The following THBS1 variants were observed in gnomAD, a reference collection of about 807,000 sequenced individuals.
THBS1 encodes the protein thrombospondin-1.
THBS1 carries 29 observed loss-of-function variants against 126.1 expected under a neutral mutation model. The ratio of observed to expected loss-of-function variants is 0.23; its 90% CI spans 0.17 to 0.31. THBS1 has a LOEUF of 0.31. Ranked by LOEUF, THBS1 falls within the 10% of genes least tolerant of loss-of-function variation. THBS1 has a pLI of 1.00. For synonymous variants in THBS1, 496 were observed against 577.8 expected (o/e 0.86, Z 2.03); for missense variants, 1,198 against 1,545.2 (o/e 0.78, Z 3.77).
intron 2 of THBS1, 48 bp from the exon 3 acceptor site, chr15:39,582,145 C>G: frequency 1.9e-6 from 3 of 1,541,538 alleles, no homozygotes; most frequent in Non-Finnish European, 2.6e-6. Context: ...CCCCCTACTG[C>G]TGGTCCCAGC....
At chr15:39,583,868 A>G (rs980707159) in intron 4 of THBS1, 120 bp from the exon 5 acceptor site, 3 of 1,305,934 alleles carry the variant, frequency 2.3e-6, no homozygotes, top group Non-Finnish European at 3.2e-6. Flanking sequence ...ACACGTGCGC[A>G]TACACGCAAC....
intron 7 of THBS1, among the ~76,000 whole-genome samples, 190 bp downstream of exon 7, chr15:39,585,753 C>T (rs1890197866): frequency 6.6e-6 from 1 of 152,200 alleles, no homozygotes; most frequent in East Asian, 1.9e-4. Context: ...ATGAGTACAT[C>T]GTAATTACCC....
intron 6 of THBS1, 138 bp downstream of exon 6, chr15:39,584,560 G>T (rs1354870587): frequency 1.7e-6 from 2 of 1,192,248 alleles, no homozygotes; most frequent in Non-Finnish European, 2.3e-6. Flanking sequence ...TTTTCTTTAA[G>T]ATGCAATTAT....
At chr15:39,585,445 C>G in intron 6 of THBS1, 25 bp from the exon 7 acceptor site, 3 of 1,602,786 alleles carry the variant, frequency 1.9e-6, no homozygotes, top group Non-Finnish European at 8.5e-7. Flanking sequence ...GCAGCCTGTT[C>G]CCCTCTCACT....
rs1890366834 is a variant in THBS1, at chr15:39,593,319, G to T, written c.2996-78G>T. The T allele has an allele frequency of 6.2e-7, 1 of 1,611,696 alleles. No individual in the cohort carries two copies. The highest frequency in any genetic ancestry group is 8.5e-7 in the Non-Finnish European group (1 of 1,178,054). On this transcript the variant is annotated intron_variant, in intron 18 of 21. Transcript: ENST00000260356. This position sits in a 1 kb window ranked among gnomAD's most constrained non-coding sequence, Gnocchi z 5.9. ...GGCAGTTGTACCTATCCCTGTGGGT[G>T]CTGAGGATGTCTAGGAACATGATGG...
In THBS1 at chr15:39,591,357, T is replaced by G. The variant is rs1405766604; in HGVS notation, c.2413+7T>G. On this transcript the variant is annotated splice_region_variant and intron_variant, in intron 15 of 21. Transcript: ENST00000260356. The stretch of plus-strand genomic sequence containing the variant: ...GCAGACATTGATGGAGACGGTAAGG[T>G]GCTGCCTGATCAGAGGGCCCGCGGG... 1.2e-6 allele frequency: 2 copies of G among 1,610,448 alleles called. No individual in the cohort carries two copies. The highest frequency in any genetic ancestry group is 2.7e-5 in the African/African-American group (2 of 74,848).
At chr15:39,590,366 T>G (rs1234139623) in intron 13 of THBS1, 150 bp from the exon 14 acceptor site, 2 of 644,356 alleles carry the variant, frequency 3.1e-6, no homozygotes, top group Middle Eastern at 2.5e-4. Context: ...AAGAAAAGTT[T>G]TATTTTCTTG....
intron 4 of THBS1, 104 bp downstream of exon 4, chr15:39,583,796 G>C: frequency 1.5e-6 from 2 of 1,338,996 alleles, no homozygotes; most frequent in South Asian, 2.6e-5. Context: ...ATTACCCCCA[G>C]TGAGATCATC....
At chr15:39,581,992 C>T in intron 2 of THBS1, 68 bp downstream of exon 2, 3 of 1,542,438 alleles carry the variant, frequency 1.9e-6, no homozygotes, top group Non-Finnish European at 2.7e-6. Flanking sequence ...CCAGGTGTGC[C>T]CCCTCACGTG....
chr15:39,589,761 G>A lies in THBS1; in HGVS notation c.1927-44G>A. ...GATTCTTGTTTCCATGATATCTGAG[G>A]ATTCTCAAAAGCTCTGTGTAACAGC... On this transcript the variant is annotated intron_variant, in intron 12 of 21. Transcript: ENST00000260356. The surrounding 1 kb of genome is among the most constrained non-coding windows in gnomAD (Gnocchi z 4.7). 1 of 1,528,344 alleles carries A rather than the reference G, an allele frequency of 6.5e-7. No individual in the cohort carries two copies. The highest frequency in any genetic ancestry group is 8.8e-7 in the Non-Finnish European group (1 of 1,136,474). 94.7% of individuals were successfully genotyped at this position (1,528,344 alleles called of 1,614,324 possible).
chr15:39,590,879 A>C (rs1890313171), intron 14 of THBS1: 4 of 536,456 alleles, frequency 7.5e-6, no homozygotes, highest in Non-Finnish European at 1.3e-5. Context: ...AACAAATGCC[A>C]CTTTGTTCCC....
chr15:39,591,314 G>A lies in THBS1; in HGVS notation c.2377G>A (p.Glu793Lys), dbSNP rs755958094. 4.3e-6 allele frequency: 7 copies of A among 1,614,188 alleles called. No individual in the cohort carries two copies. The South Asian group carries it at 4.4e-5, about 10-fold the overall frequency. ...PDQADTDNNG[E>K]GDACAADIDG... ...TCAGGCAGACACAGACAACAATGGG[G>A]AAGGAGACGCCTGTGCTGCAGACAT... Residue 793 changes from glutamate to lysine, a missense_variant, in exon 15 of 22, where the codon GAA (glutamate) becomes AAA (lysine). By Grantham distance (56) the Glu-to-Lys change is moderately conservative. This residue lies in a region of THBS1 where 663 missense variants were observed against 860.1 expected (regional missense o/e 0.77). Transcript: ENST00000260356.
chr15:39,584,352 A>G lies in THBS1; in HGVS notation c.956A>G (p.Tyr319Cys). ...GAGCTGAGGCGGCCTCCCCTATGCT[A>G]TCACAACGGAGTTCAGTACAGAAAT... ...ANELRRPPLC[Y>C]HNGVQYRNNE... Residue 319 changes from tyrosine to cysteine, a missense_variant, in exon 6 of 22, where the codon TAT (tyrosine) becomes TGT (cysteine). Tyr to Cys is a radical substitution (Grantham distance 194, BLOSUM62 -2). Coordinates refer to ENST00000260356, the MANE Select transcript of THBS1 (RefSeq NM_003246.4). The G allele has an allele frequency of 6.2e-7, 1 of 1,614,262 alleles. No individual in the cohort carries two copies. Among genetic ancestry groups the G allele is most frequent in the South Asian group, 1.1e-5 (1 of 91,090 alleles).
At chr15:39,588,403 C>T in intron 9 of THBS1, 123 bp from the exon 10 acceptor site, 1 of 1,336,382 alleles carries the variant, frequency 7.5e-7, no homozygotes. Flanking sequence ...TCACCCTCTT[C>T]CCCAGCATTC....
chr15:39,588,904 G>C (rs1890267226), intron 10 of THBS1, 55 bp from the exon 11 acceptor site: 1 of 1,614,016 alleles, frequency 6.2e-7, no homozygotes, highest in Non-Finnish European at 8.5e-7. Flanking sequence ...CAGCATGGCA[G>C]TATGGCAGCT....
Position 39,587,415 on chromosome 15 carries a change from A to G in THBS1, c.1189A>G (p.Asn397Asp). ...GACCTCCTGTTCTACGAGCTGTGGCAATGGAATTCAGCAGCGCGGCCGCTC... is the reference window on the plus strand; with the variant it reads ...GACCTCCTGTTCTACGAGCTGTGGCGATGGAATTCAGCAGCGCGGCCGCTC... ...EWTSCSTSCGNGIQQRGRSCD... is the reference protein window; with the variant it reads ...EWTSCSTSCGDGIQQRGRSCD... The change falls in exon 8 of 22, where the codon AAT becomes GAT. Residue 397 changes from asparagine (N) to aspartate (D), a missense_variant. Physicochemically the swap from Asn to Asp is conservative, Grantham distance 23. Around this residue, in one of 4 missense-constraint regions of THBS1, gnomAD observed 663 missense variants for 860.1 expected, o/e 0.77. Coordinates refer to ENST00000260356, the MANE Select transcript of THBS1 (RefSeq NM_003246.4). 3 of 1,613,992 alleles carry G rather than the reference A, an allele frequency of 1.9e-6. No individual in the cohort carries two copies. The highest frequency in any genetic ancestry group is 1.6e-4 in the Middle Eastern group (1 of 6,062).
chr15:39,589,308 C>T lies in THBS1; in HGVS notation c.1880C>T (p.Ser627Leu). 6.2e-7 allele frequency: 1 copy of T among 1,614,122 alleles called. No homozygotes were observed. Residue 627 changes from serine (S) to leucine (L), a missense_variant, in exon 12 of 22, where the codon TCA becomes TTA. Ser to Leu is a moderately radical substitution (Grantham distance 145, BLOSUM62 -2). Coordinates refer to ENST00000260356, the MANE Select transcript of THBS1 (RefSeq NM_003246.4). This position sits in a 1 kb window ranked among gnomAD's most constrained non-coding sequence, Gnocchi z 4.7. ...CLPCPPRFTG[S>L]QPFGQGVEHA... is the part of the protein sequence containing the mutation. The stretch of plus-strand genomic sequence containing the variant: ...CCCTGCCCCCCACGCTTCACCGGCT[C>T]ACAGCCCTTCGGCCAGGGTGTCGAA...
Position 39,589,556 on chromosome 15 carries a change from T to C in THBS1, c.1926+202T>C, listed in dbSNP as rs1890286128. On this transcript the variant is annotated intron_variant, in intron 12 of 21. Transcript: ENST00000260356. The surrounding 1 kb of genome is among the most constrained non-coding windows in gnomAD (Gnocchi z 4.7). ...AAAAACAGTCTTCCATATTTAAAAA[T>C]GCTGCTCTGGAATAAGTTGTGAGCA... Among the ~76,000 whole-genome samples, 1 of 152,132 alleles carries C rather than the reference T, an allele frequency of 6.6e-6. No individual in the cohort carries two copies. The highest frequency in any genetic ancestry group is 1.5e-5 in the Non-Finnish European group (1 of 68,020).
At position 39,597,280 on chromosome 15, in the gene THBS1, G is replaced by GTTTTTTTTTTTTTTTTTTTTTTTT; in HGVS notation, c.*1932_*1933insTTTTTTTTTTTTTTTTTTTTTTTT. The GTTTTTTTTTTTTTTTTTTTTTTTT allele has an allele frequency of 6.2e-4, 30 of 48,058 alleles. No homozygotes were observed. The highest frequency in any genetic ancestry group is 8.0e-4 in the African/African-American group (10 of 12,500). 3.0% of individuals were successfully genotyped at this position (48,058 alleles called of 1,614,324 possible). A position where few individuals can be genotyped will look rare whatever the true frequency, so the allele number is the denominator to read the frequency against. On this transcript the variant is annotated 3_prime_UTR_variant, in exon 22 of 22. Transcript: ENST00000260356. ...GTTGGTTTTTTCTTTTTTTTGTTTT[G>GTTTTTTTTTTTTTTTTTTTTTTTT]TTTTTTTTTTTTTTTTTTTTTGCTT...
Sources: allele counts gnomAD v4.1 joint callset (sites outside exome capture counted in the v4.1 genomes callset), GRCh38; gene constraint gnomAD v4.1.1; regional missense constraint gnomAD v4.1.1; non-coding constraint Gnocchi (gnomAD v3.1); transcripts MANE v1.5; gene names NCBI Gene and HGNC (gene_info 2026-07-23, HGNC 2026-07-21).